The following TP63 variants were observed in gnomAD, a reference collection of about 807,000 sequenced individuals.
TP63 encodes tumor protein p63, also known as tumor protein 63.
A neutral mutation model predicts 82.8 loss-of-function variants in TP63; 17 were observed. That is an observed-to-expected ratio of 0.21 (90% CI 0.14 to 0.31). The LOEUF (loss-of-function observed/expected upper bound fraction) is 0.31, where lower values mean the gene tolerates loss of function less well. TP63 is among the 10% of genes least tolerant of loss of function. The pLI is 1.00. For missense variants in TP63, 648 were observed against 895.3 expected, an observed-to-expected ratio of 0.72 and a Z score of 3.52; for synonymous variants, 330 against 321.7, an observed-to-expected ratio of 1.03 and a Z score of -0.28.
intron 1 of TP63, among the ~76,000 whole-genome samples, chr3:189,680,104 T>G (rs528089324): frequency 1.7e-4 from 26 of 152,260 alleles, no homozygotes; most frequent in African/African-American, 6.0e-4. Flanking sequence ...CAAATTAATT[T>G]TATGTTTTTT....
intron 6 of TP63, 35 bp from the exon 7 acceptor site, chr3:189,867,798 C>T (rs750200069): frequency 1.3e-6 from 2 of 1,581,896 alleles, no homozygotes; most frequent in Non-Finnish European, 1.7e-6. Flanking sequence ...AGTTTAAACC[C>T]TTGTTAACAC....
At chr3:189,710,413 A>T (rs999395309) in intron 1 of TP63, among the ~76,000 whole-genome samples, 1 of 152,186 alleles carries the variant, frequency 6.6e-6, no homozygotes, top group African/African-American at 2.4e-5. Context: ...CTTTGGAAAC[A>T]TGTTAGCAAT....
chr3:189,770,259 C>A (rs1723239865), intron 3 of TP63, among the ~76,000 whole-genome samples: 1 of 152,124 alleles, frequency 6.6e-6, no homozygotes, highest in South Asian at 2.1e-4. Context: ...GCTTTCTATT[C>A]ATCTGGAATG....
At chr3:189,744,367 C>G (rs576369100) in intron 3 of TP63, among the ~76,000 whole-genome samples, 10 of 152,256 alleles carry the variant, frequency 6.6e-5, no homozygotes, top group African/African-American at 2.4e-4. Flanking sequence ...GTTCTGGCCT[C>G]CCGGGGGATC....
At chr3:189,728,494 A>G (rs1719929031) in intron 1 of TP63, among the ~76,000 whole-genome samples, 1 of 152,210 alleles carries the variant, frequency 6.6e-6, no homozygotes, top group Non-Finnish European at 1.5e-5. Flanking sequence ...AAAGAATATG[A>G]CTTGGGGGAA....
chr3:189,782,757 CCAGT>C (rs1250336578), intron 3 of TP63, among the ~76,000 whole-genome samples: 3 of 151,972 alleles, frequency 2.0e-5, no homozygotes, highest in Non-Finnish European at 4.4e-5. Flanking sequence ...CCAAAGTAGA[CCAGT>C]CAATGGGAGT....
intron 1 of TP63, among the ~76,000 whole-genome samples, chr3:189,736,113 A>G (rs1446552764): frequency 1.3e-5 from 2 of 148,704 alleles, no homozygotes; most frequent in East Asian, 3.9e-4. Flanking sequence ...ATCATTTATG[A>G]ATATTTTAAA....
intron 3 of TP63, among the ~76,000 whole-genome samples, chr3:189,745,708 CAAAAA>C (rs71298529): frequency 0.026 from 471 of 17,784 alleles, 2 homozygotes; most frequent in African/African-American, 0.09. Context: ...AACTCCATCT[CAAAAA>C]AAAAAAAAAA....
At chr3:189,806,028 C>T (rs920361620) in intron 3 of TP63, among the ~76,000 whole-genome samples, 3 of 138,884 alleles carry the variant, frequency 2.2e-5, no homozygotes, top group Non-Finnish European at 4.5e-5. Flanking sequence ...CAATAAACAA[C>T]AGAAGCAAAC....
intron 13 of TP63, 141 bp from the exon 14 acceptor site, chr3:189,894,065 A>C: frequency 8.9e-7 from 1 of 1,119,646 alleles, no homozygotes; most frequent in East Asian, 2.6e-5. Flanking sequence ...GACTCAGAGA[A>C]CTAATTTTAT....
At chr3:189,822,111 G>C (rs999977965) in intron 4 of TP63, among the ~76,000 whole-genome samples, 3 of 152,120 alleles carry the variant, frequency 2.0e-5, no homozygotes, top group Admixed American at 6.5e-5. Flanking sequence ...CTTTCAAATA[G>C]GGATGATACT....
chr3:189,804,109 A>G lies in TP63; in HGVS notation c.325-4163A>G, dbSNP rs149712701. 6.6e-3 allele frequency among the ~76,000 whole-genome samples: 1,006 copies of G among 152,300 alleles called. 8 individuals are homozygous for G. The highest frequency in any genetic ancestry group is 0.023 in the African/African-American group (964 of 41,566). ...TGGGGGCTCTATGGAGTTCTTCCAA[A>G]GGCCGTTTTTATGGCTGATCTGAAA... On this transcript the variant is annotated intron_variant, in intron 3 of 13. Transcript: ENST00000264731.
At chr3:189,869,445 A>G in intron 9 of TP63, 39 bp downstream of exon 9, 1 of 1,560,108 alleles carries the variant, frequency 6.4e-7, no homozygotes, top group Middle Eastern at 1.7e-4. Context: ...CTTCATTTTA[A>G]CCTTCTTTGA....
At position 189,631,421 on chromosome 3, in the gene TP63, T is replaced by C; in HGVS notation, c.-95T>C. On this transcript the variant is annotated 5_prime_UTR_variant, in exon 1 of 14. Coordinates refer to ENST00000264731, the MANE Select transcript of TP63 (RefSeq NM_003722.5). ...TGATAGCATTTGACCCTATTGCTTTTAGCCTCCCGGCTTTATATCTATATA... is the reference window on the plus strand; with the variant it reads ...TGATAGCATTTGACCCTATTGCTTTCAGCCTCCCGGCTTTATATCTATATA... The C allele has an allele frequency of 6.3e-7, 1 of 1,593,030 alleles. No homozygotes were observed. Among genetic ancestry groups the C allele is most frequent in the South Asian group, 1.1e-5 (1 of 89,336 alleles).
intron 1 of TP63, among the ~76,000 whole-genome samples, chr3:189,727,653 A>G (rs753180721): frequency 5.9e-5 from 9 of 152,080 alleles, no homozygotes; most frequent in African/African-American, 1.4e-4. Flanking sequence ...ACAGGTTTCT[A>G]TTTCCCCATA....
chr3:189,636,546 G>A (rs1365169891), intron 1 of TP63, among the ~76,000 whole-genome samples: 1 of 152,024 alleles, frequency 6.6e-6, no homozygotes, highest in Non-Finnish European at 1.5e-5. Context: ...TGTAACTAAC[G>A]AAACCAATTT....
At position 189,876,408 on chromosome 3, in the gene TP63, A is replaced by G. The variant is rs545966809; in HGVS notation, c.1349+3413A>G. On this transcript the variant is annotated intron_variant, in intron 10 of 13. Coordinates refer to ENST00000264731, the MANE Select transcript of TP63 (RefSeq NM_003722.5). The stretch of plus-strand genomic sequence containing the variant: ...ATAATCTGTGTCCCCAGAGAAGAAA[A>G]CACATGTTAATATTGTGTTATTTTT... Among the ~76,000 whole-genome samples the G allele has an allele frequency of 1.8e-4, 27 of 152,310 alleles. No homozygotes were observed. The South Asian group carries it at 2.5e-3, about 14-fold the overall frequency.
At position 189,861,077 on chromosome 3, in the gene TP63, T is replaced by G. The variant is rs542945239; in HGVS notation, c.580-3155T>G. On this transcript the variant is annotated intron_variant, in intron 4 of 13. Coordinates refer to ENST00000264731, the MANE Select transcript of TP63 (RefSeq NM_003722.5). Reference sequence around the variant, plus strand: ...CATGTGTATCCTTTTGGGGTTTTTGTGGTTTTTTTTCGTATGTTTAGTAGA... The same window carrying G: ...CATGTGTATCCTTTTGGGGTTTTTGGGGTTTTTTTTCGTATGTTTAGTAGA... Among the ~76,000 whole-genome samples the G allele has an allele frequency of 9.2e-5, 14 of 152,134 alleles. No individual in the cohort carries two copies. In the South Asian group the frequency reaches 1.0e-3, roughly 11 times the overall value.
chr3:189,758,908 C>A (rs1205737169), intron 3 of TP63, among the ~76,000 whole-genome samples: 1 of 152,134 alleles, frequency 6.6e-6, no homozygotes, highest in Non-Finnish European at 1.5e-5. Context: ...CTTATGAAAG[C>A]CAACACTCTT....
Sources: allele counts gnomAD v4.1 joint callset (sites outside exome capture counted in the v4.1 genomes callset), GRCh38; gene constraint gnomAD v4.1.1; transcripts MANE v1.5; gene names NCBI Gene and HGNC (gene_info 2026-07-23, HGNC 2026-07-21).